PRPSAP2: variants seen among roughly 807,000 people sequenced by gnomAD.
The protein encoded by PRPSAP2 is phosphoribosyl pyrophosphate synthetase associated protein 2.
A neutral mutation model predicts 40.6 loss-of-function variants in PRPSAP2; 24 were observed. The observed-to-expected ratio is 0.59, with a 90% CI of 0.43 to 0.83. The LOEUF (loss-of-function observed/expected upper bound fraction) is 0.83. Among genes scored for constraint, PRPSAP2 ranks in the 40% least tolerant of loss-of-function variants. PRPSAP2 has a pLI of 0.00. For missense variants in PRPSAP2, 292 were observed against 465.6 expected, an observed-to-expected ratio of 0.63 and a Z score of 3.43; for synonymous variants, 149 against 164.7, an observed-to-expected ratio of 0.90 and a Z score of 0.73.
Position 18,930,681 on chromosome 17 carries a change from A to G in PRPSAP2, c.1093A>G (p.Ile365Val). ...GESMSYLFRN[I>V]GLDD ...GTCCATGTCCTACCTTTTCAGAAAC[A>G]TAGGCTTAGATGACTGAGTTTTCCT... The change falls in exon 12 of 12, where the codon ATA (isoleucine) becomes GTA (valine). Residue 365 changes from isoleucine (I) to valine (V), a missense_variant. Around this residue, in one of 2 missense-constraint regions of PRPSAP2, gnomAD observed 241 missense variants for 425.7 expected, o/e 0.57. Transcript: ENST00000268835. 1.2e-6 allele frequency: 2 copies of G among 1,612,740 alleles called. No individual in the cohort carries two copies. The highest frequency in any genetic ancestry group is 1.7e-6 in the Non-Finnish European group (2 of 1,179,224).
chr17:18,910,800 C>T (rs1399027000), intron 8 of PRPSAP2, among the ~76,000 whole-genome samples: 1 of 152,102 alleles, frequency 6.6e-6, no homozygotes, highest in African/African-American at 2.4e-5. Flanking sequence ...GAATTAGCAG[C>T]TTTAGGTGAG....
chr17:18,881,327 C>G (rs112051225), intron 6 of PRPSAP2, among the ~76,000 whole-genome samples: 10,995 of 151,370 alleles, frequency 0.073, 438 homozygotes, highest in Admixed American at 0.098. Flanking sequence ...CCTCCGCCCC[C>G]CCAGGTTCAA....
rs537339821 is a variant in PRPSAP2, at chr17:18,873,030, C to T, written c.239+381C>T. Among the ~76,000 whole-genome samples the T allele has an allele frequency of 7.2e-5, 11 of 151,792 alleles. No individual in the cohort carries two copies. In the South Asian group the frequency reaches 1.5e-3, roughly 20 times the overall value. On this transcript the variant is annotated intron_variant, in intron 5 of 11. Coordinates refer to ENST00000268835, the MANE Select transcript of PRPSAP2 (RefSeq NM_002767.4). ...CTAATTTTTGTATTTTTAGTAGAGA[C>T]GGGGTTTCACCATGTTGGCCAGACT...
chr17:18,908,184 T>G, intron 8 of PRPSAP2: 9 of 624,534 alleles, frequency 1.4e-5, no homozygotes, highest in Non-Finnish European at 1.7e-5. Flanking sequence ...CCAGATGCGG[T>G]GGGAAGAAGC....
At chr17:18,869,838 T>TGTGTGTGTG (rs58195806) in intron 4 of PRPSAP2, among the ~76,000 whole-genome samples, 9,555 of 139,402 alleles carry the variant, frequency 0.069, 393 homozygotes, top group Middle Eastern at 0.11. Context: ...TTGCTACTTT[T>TGTGTGTGTG]TTTTTGTGTG....
chr17:18,925,439 A>G (rs1382390466), intron 10 of PRPSAP2, among the ~76,000 whole-genome samples: 6 of 152,110 alleles, frequency 3.9e-5, no homozygotes, highest in Non-Finnish European at 8.8e-5. Flanking sequence ...TTTGATGTTT[A>G]TGTAAATGAT....
chr17:18,861,665 A>G (rs1277822493), intron 1 of PRPSAP2, among the ~76,000 whole-genome samples: 2 of 152,166 alleles, frequency 1.3e-5, no homozygotes, highest in African/African-American at 4.8e-5. Context: ...AGAACGTCAG[A>G]GACCACATGC....
chr17:18,860,207 A>G (rs1055289405), intron 1 of PRPSAP2, among the ~76,000 whole-genome samples: 1 of 152,040 alleles, frequency 6.6e-6, no homozygotes, highest in African/African-American at 2.4e-5. Flanking sequence ...TTACAGGTGC[A>G]TGCCACCACA....
Position 18,911,143 on chromosome 17 carries a change from G to T in PRPSAP2, c.625G>T (p.Val209Leu). The change falls in exon 9 of 12, where the codon GTG (valine) becomes TTG (leucine). Residue 209 changes from valine (V) to leucine (L), a missense_variant. Val to Leu is a conservative substitution (Grantham distance 32). Coordinates refer to ENST00000268835, the MANE Select transcript of PRPSAP2 (RefSeq NM_002767.4). This position sits in a 1 kb window ranked among gnomAD's most constrained non-coding sequence, Gnocchi z 4.5. ...FAERLRLGIAVIHGEAQDAES... is the reference protein window; with the variant it reads ...FAERLRLGIALIHGEAQDAES... ...TGAGCGCCTGCGCCTGGGAATTGCA[G>T]TGATTCATGGAGAGGCGCAGGATGC... The T allele has an allele frequency of 1.9e-6, 3 of 1,613,632 alleles. No homozygotes were observed. Among genetic ancestry groups the T allele is most frequent in the Non-Finnish European group, 2.5e-6 (3 of 1,179,662 alleles).
intron 4 of PRPSAP2, among the ~76,000 whole-genome samples, chr17:18,869,410 T>C (rs2037675182): frequency 1.3e-5 from 2 of 151,170 alleles, no homozygotes; most frequent in Admixed American, 1.3e-4. Context: ...TGATCAGGGC[T>C]CACTGCAGCC....
chr17:18,867,258 T>C, intron 3 of PRPSAP2, 24 bp from the exon 4 acceptor site: 1 of 1,611,288 alleles, frequency 6.2e-7, no homozygotes, highest in Non-Finnish European at 8.5e-7. Context: ...CTTTTTCAGC[T>C]TTTTCCCCCT....
At chr17:18,915,957 C>T (rs756388437) in intron 9 of PRPSAP2, among the ~76,000 whole-genome samples, 3 of 151,632 alleles carry the variant, frequency 2.0e-5, no homozygotes, top group Non-Finnish European at 4.4e-5. Flanking sequence ...GTAGCTGGGA[C>T]TACAGGTGCA....
chr17:18,886,017 C>G (rs1051907506), intron 7 of PRPSAP2, among the ~76,000 whole-genome samples: 1 of 152,174 alleles, frequency 6.6e-6, no homozygotes, highest in African/African-American at 2.4e-5. Flanking sequence ...GCTACTACAC[C>G]TGGCCTGTAT....
intron 9 of PRPSAP2, 34 bp from the exon 10 acceptor site, chr17:18,923,879 TA>T: frequency 1.9e-6 from 3 of 1,552,146 alleles, no homozygotes; most frequent in Non-Finnish European, 2.6e-6. Context: ...CTTTTTAATA[TA>T]AAAATTTTGG....
chr17:18,911,315 G>T lies in PRPSAP2; in HGVS notation c.733+64G>T. 1.4e-6 allele frequency: 2 copies of T among 1,415,370 alleles called. No homozygotes were observed. The highest frequency in any genetic ancestry group is 1.9e-6 in the Non-Finnish European group (2 of 1,076,096). The allele number at this position is 1,415,370 out of a possible 1,614,324, so 87.7% of individuals were successfully genotyped here. On this transcript the variant is annotated intron_variant, in intron 9 of 11. Transcript: ENST00000268835. The surrounding 1 kb of genome is among the most constrained non-coding windows in gnomAD (Gnocchi z 4.5). ...TTTAAGGCTGACTACACTGTTGTCT[G>T]TGTGGTTTTTTTCCTCATTCTTCGT...
intron 9 of PRPSAP2, among the ~76,000 whole-genome samples, chr17:18,914,215 A>G (rs1042775234): frequency 5.4e-5 from 8 of 147,040 alleles, no homozygotes; most frequent in Non-Finnish European, 1.2e-4. Flanking sequence ...TTGCTTGGCT[A>G]CACACTTGGA....
chr17:18,868,468 GACTTTGT>G lies in PRPSAP2; in HGVS notation c.172+1135_172+1141del, dbSNP rs1366454015. Among the ~76,000 whole-genome samples, 71 of 150,504 alleles carry G rather than the reference GACTTTGT, an allele frequency of 4.7e-4. No individual in the cohort carries two copies. In the East Asian group the frequency reaches 0.01, roughly 22 times the overall value. Reference sequence around the variant, plus strand: ...CCAGCCTGGGGGGGAACAAGAGCGAGACTTTGTCTCAGGGGAAAAAAAAAAAAAAAGA... The same window carrying G: ...CCAGCCTGGGGGGGAACAAGAGCGAGCTCAGGGGAAAAAAAAAAAAAAAGA... On this transcript the variant is annotated intron_variant, in intron 4 of 11. Transcript: ENST00000268835.
At chr17:18,895,007 G>A (rs2039825475) in intron 8 of PRPSAP2, among the ~76,000 whole-genome samples, 1 of 151,840 alleles carries the variant, frequency 6.6e-6, no homozygotes, top group African/African-American at 2.4e-5. Context: ...CATGAACATG[G>A]GATATCATTT....
At chr17:18,878,196 A>C (rs183397784) in intron 6 of PRPSAP2, among the ~76,000 whole-genome samples, 113 of 152,314 alleles carry the variant, frequency 7.4e-4, no homozygotes, top group African/African-American at 2.6e-3. Flanking sequence ...GATTATAGTC[A>C]TGAACCACCA....
Sources: gnomAD v4.1 joint callset for allele counts (sites outside exome capture counted in the v4.1 genomes callset) on GRCh38, gnomAD v4.1.1 for gene constraint, gnomAD v4.1.1 regional missense constraint, Gnocchi (gnomAD v3.1) non-coding constraint, MANE v1.5 for transcripts, NCBI Gene and HGNC (gene_info 2026-07-23, HGNC 2026-07-21) for gene names.